Variants in OVCH1 observed in about 807,000 individuals in gnomAD.
OVCH1 encodes ovochymase-1.
Under a neutral mutation model 138.4 loss-of-function variants are expected in OVCH1, and 139 were observed. That is an observed-to-expected ratio of 1.00 (90% confidence interval 0.87 to 1.16). The LOEUF is 1.16. Among genes scored for constraint, OVCH1 ranks in the 50% most tolerant of loss-of-function variants. The pLI, the probability that OVCH1 is intolerant of heterozygous loss-of-function variation, is 0.00. For missense variants in OVCH1, 1,367 were observed against 1,357.9 expected, an observed-to-expected ratio of 1.01 and a Z score of -0.11; for synonymous variants, 453 against 467.8, an observed-to-expected ratio of 0.97 and a Z score of 0.41.
intron 25 of OVCH1, 33 bp from the exon 26 acceptor site, chr12:29,440,777 T>C (rs1274896706): frequency 2.2e-6 from 1 of 455,736 alleles, no homozygotes; most frequent in Non-Finnish European, 4.4e-6. Flanking sequence ...TTAATGCACT[T>C]ACTTCTAGGA....
chr12:29,478,605 G>A (rs1206727042), intron 9 of OVCH1, among the ~76,000 whole-genome samples: 1 of 152,096 alleles, frequency 6.6e-6, no homozygotes, highest in African/African-American at 2.4e-5. Context: ...TTCTAGAAGG[G>A]AAAAGTCTGT....
intron 7 of OVCH1, 150 bp downstream of exon 7, chr12:29,487,543 G>A (rs1943145838): frequency 1.5e-6 from 1 of 683,574 alleles, no homozygotes; most frequent in Non-Finnish European, 2.3e-6. Flanking sequence ...CTGTACTCAG[G>A]GTTTCAGAGA....
chr12:29,435,219 C>T (rs1941335827), intron 26 of OVCH1, among the ~76,000 whole-genome samples: 1 of 152,198 alleles, frequency 6.6e-6, no homozygotes. Flanking sequence ...CAGCCAGACC[C>T]GTGGCGTGAG....
the OVCH1 span, among the ~76,000 whole-genome samples, chr12:29,402,582 AAAG>A: frequency 2.0e-5 from 3 of 151,934 alleles, no homozygotes; most frequent in African/African-American, 7.3e-5. Context: ...GGGCATTGAG[AAAG>A]AAGGATTGAG....
At chr12:29,488,620 C>CAAAAAAAAAAAAAAAAAAAAAAA (rs67595567) in intron 6 of OVCH1, among the ~76,000 whole-genome samples, 26 of 61,730 alleles carry the variant, frequency 4.2e-4, no homozygotes, top group Admixed American at 1.3e-3. Flanking sequence ...GACTCCATCT[C>CAAAAAAAAAAAAAAAAAAAAAAA]AAAAAAAAAA....
chr12:29,455,221 G>A lies in OVCH1; in HGVS notation c.2437+28C>T, dbSNP rs778957291. The A allele has an allele frequency of 5.0e-5, 81 of 1,606,252 alleles. No individual in the cohort carries two copies. The South Asian group carries it at 7.8e-4, about 15-fold the overall frequency. On this transcript the variant is annotated intron_variant, in intron 20 of 27. Coordinates refer to ENST00000318184, the Ensembl canonical transcript of OVCH1. ...ACCCACTCTAAAGAAAGAGGTTATT[G>A]TTTTAATAACATTTGAAAACAATTT...
At chr12:29,466,823 C>A (rs913945211) in intron 16 of OVCH1, among the ~76,000 whole-genome samples, 4 of 152,100 alleles carry the variant, frequency 2.6e-5, no homozygotes, top group African/African-American at 9.7e-5. Context: ...CTACTGGAAC[C>A]AATACACTGT....
intron 20 of OVCH1, 114 bp downstream of exon 20, chr12:29,455,135 T>C: frequency 7.6e-7 from 1 of 1,319,174 alleles, no homozygotes; most frequent in South Asian, 1.5e-5. Context: ...AGTAACTAAA[T>C]GAAATTCTAC....
chr12:29,405,042 AAAAAAAAAAAAAAAC>A, the OVCH1 span, among the ~76,000 whole-genome samples: 1 of 149,418 alleles, frequency 6.7e-6, no homozygotes, highest in African/African-American at 2.5e-5. Context: ...AAAAAAAAAA[AAAAAAAAAAAAAAAC>A]AAAAGAAATG....
At chr12:29,444,094 A>G in intron 24 of OVCH1, 51 bp downstream of exon 24, 2 of 1,538,522 alleles carry the variant, frequency 1.3e-6, no homozygotes, top group South Asian at 1.2e-5. Context: ...ATGTCAGTCA[A>G]GCAATTTTTT....
intron 16 of OVCH1, among the ~76,000 whole-genome samples, chr12:29,467,019 G>A (rs1316813106): frequency 6.6e-5 from 10 of 151,954 alleles, no homozygotes; most frequent in Admixed American, 6.6e-4. Context: ...TTGCATAATG[G>A]GTTTGACTTA....
At chr12:29,459,929 T>C (rs1942076167) in intron 19 of OVCH1, among the ~76,000 whole-genome samples, 4 of 152,318 alleles carry the variant, frequency 2.6e-5, no homozygotes, top group South Asian at 2.1e-4. Context: ...ATCAGGTCTA[T>C]TACCTCTAAG....
chr12:29,433,855 A>C (rs756917976), intron 26 of OVCH1: 4 of 1,338,308 alleles, frequency 3.0e-6, no homozygotes, highest in Non-Finnish European at 3.0e-6. Flanking sequence ...TGCCTCCCAA[A>C]CTGTATTTCA....
At chr12:29,488,643 AGAAAG>A (rs1943186991) in intron 6 of OVCH1, among the ~76,000 whole-genome samples, 1 of 142,312 alleles carries the variant, frequency 7.0e-6, no homozygotes, top group Non-Finnish European at 1.6e-5. Context: ...AAAAAAAAAA[AGAAAG>A]GAAAGGACCA....
chr12:29,407,440 C>G, the OVCH1 span, among the ~76,000 whole-genome samples: 6 of 150,920 alleles, frequency 4.0e-5, no homozygotes, highest in Admixed American at 3.3e-4. Flanking sequence ...ATGGTTTTAG[C>G]TCTAATGTGT....
At chr12:29,405,038 AAAAAAAAAAAAAAAAAAAC>A in the OVCH1 span, among the ~76,000 whole-genome samples, 15 of 149,222 alleles carry the variant, frequency 1.0e-4, no homozygotes, top group Non-Finnish European at 1.6e-4. Context: ...AAAAAAAAAA[AAAAAAAAAAAAAAAAAAAC>A]AAAAGAAATG....
intron 27 of OVCH1, among the ~76,000 whole-genome samples, chr12:29,431,200 T>C (rs2135900482): frequency 6.6e-6 from 1 of 151,932 alleles, no homozygotes; most frequent in Middle Eastern, 3.4e-3. Flanking sequence ...ACTTTGGGAG[T>C]CCATGGCAGG....
chr12:29,427,548 G>A (rs1306740292), downstream of OVCH1: 1 of 1,551,020 alleles, frequency 6.4e-7, no homozygotes, highest in East Asian at 2.4e-5. Flanking sequence ...TCCATGTGAG[G>A]ACCCAGTGAG....
rs761537816 is a variant in OVCH1, at chr12:29,496,798, T to C, written c.65-124A>G. On this transcript the variant is annotated intron_variant, in intron 1 of 27. Coordinates refer to ENST00000318184, the Ensembl canonical transcript of OVCH1. ...ATTCTGATAGCACTTAGCTGCAGACTACCACATTCTTCTCTCAATATTTTC... is the reference window on the plus strand; with the variant it reads ...ATTCTGATAGCACTTAGCTGCAGACCACCACATTCTTCTCTCAATATTTTC... 103 of 658,378 alleles carry C rather than the reference T, an allele frequency of 1.6e-4. 1 individual carries two copies. The Middle Eastern group carries it at 1.8e-3, about 11-fold the overall frequency. 40.8% of individuals were successfully genotyped at this position (658,378 alleles called of 1,614,324 possible).
Sources: gnomAD v4.1 joint callset for allele counts (sites outside exome capture counted in the v4.1 genomes callset) on GRCh38, gnomAD v4.1.1 for gene constraint, MANE v1.5 for transcripts, NCBI Gene and HGNC (gene_info 2026-07-23, HGNC 2026-07-21) for gene names.